The following PTPRD variants were observed in gnomAD, a reference collection of about 807,000 sequenced individuals.
The protein encoded by PTPRD is receptor-type tyrosine-protein phosphatase delta.
A neutral mutation model predicts 214.5 loss-of-function variants in PTPRD; 34 were observed. That is an observed-to-expected ratio of 0.16 (90% CI 0.12 to 0.21). PTPRD has a LOEUF of 0.21. Ranked by LOEUF, PTPRD falls within the 10% of genes least tolerant of loss-of-function variation. PTPRD has a pLI of 1.00. For synonymous variants in PTPRD, 1,128 were observed against 845.7 expected (o/e 1.33, Z -5.79); for missense variants, 2,545 against 2,398.7 (o/e 1.06, Z -1.27).
intron 11 of PTPRD, among the ~76,000 whole-genome samples, chr9:8,901,808 A>G (rs2098671068): frequency 6.6e-6 from 1 of 152,164 alleles, no homozygotes; most frequent in African/African-American, 2.4e-5. Flanking sequence ...TGACTTTATA[A>G]TTTCCTTTTG....
At chr9:9,008,729 A>G (rs1264313759) in intron 11 of PTPRD, among the ~76,000 whole-genome samples, 1 of 152,154 alleles carries the variant, frequency 6.6e-6, no homozygotes, top group Admixed American at 6.6e-5. Context: ...ATTTGCAAAG[A>G]TTTTTAATTC....
chr9:10,394,070 A>T (rs1194386804), intron 2 of PTPRD, among the ~76,000 whole-genome samples: 2 of 145,212 alleles, frequency 1.4e-5, no homozygotes, highest in Non-Finnish European at 3.0e-5. Flanking sequence ...ATATATATAT[A>T]TATATAGAGA....
rs77553155 is a variant in PTPRD, at chr9:9,401,821, T to A, written c.-236-4339A>T. Among the ~76,000 whole-genome samples the A allele has an allele frequency of 5.9e-3, 894 of 152,106 alleles. 7 individuals are homozygous for A. Among genetic ancestry groups the A allele is most frequent in the African/African-American group, 0.02 (814 of 41,522 alleles). On this transcript the variant is annotated intron_variant, in intron 8 of 45. Coordinates refer to ENST00000381196, the MANE Select transcript of PTPRD (RefSeq NM_002839.4). ...AGTTCTCACGAGATCTGGTAGTTTA[T>A]TAAGGGATTTTTCCCTCTTGGCTCG...
intron 9 of PTPRD, among the ~76,000 whole-genome samples, chr9:9,360,812 T>C (rs538139329): frequency 6.6e-6 from 1 of 151,198 alleles, no homozygotes; most frequent in Admixed American, 6.6e-5. Flanking sequence ...TTTCCAAGTG[T>C]ATTATGTGAG....
intron 3 of PTPRD, among the ~76,000 whole-genome samples, chr9:10,210,203 A>G (rs1249840390): frequency 6.6e-6 from 1 of 152,202 alleles, no homozygotes; most frequent in Non-Finnish European, 1.5e-5. Context: ...TGTGCAACTT[A>G]CATTATTGAG....
At chr9:8,998,659 T>G (rs551494212) in intron 11 of PTPRD, among the ~76,000 whole-genome samples, 1 of 152,198 alleles carries the variant, frequency 6.6e-6, no homozygotes, top group South Asian at 2.1e-4. Flanking sequence ...TTAAGTCTTA[T>G]TATTTAATAA....
chr9:9,322,600 A>G (rs1303726143), intron 9 of PTPRD, among the ~76,000 whole-genome samples: 1 of 152,174 alleles, frequency 6.6e-6, no homozygotes, highest in African/African-American at 2.4e-5. Flanking sequence ...TAGGAGTAAC[A>G]TATGCATGTC....
chr9:10,151,256 C>CTTTTT (rs71321228), intron 3 of PTPRD, among the ~76,000 whole-genome samples: 3 of 12,376 alleles, frequency 2.4e-4, no homozygotes, highest in African/African-American at 3.2e-4. Flanking sequence ...TTTTTGTTAA[C>CTTTTT]TTTTTTTTTT....
At chr9:9,697,919 C>A (rs2097412642) in intron 7 of PTPRD, among the ~76,000 whole-genome samples, 1 of 152,108 alleles carries the variant, frequency 6.6e-6, no homozygotes, top group Admixed American at 6.6e-5. Context: ...TCTACTTGAT[C>A]CATTCTGCTA....
intron 9 of PTPRD, among the ~76,000 whole-genome samples, chr9:9,238,273 A>T (rs2099968285): frequency 6.6e-6 from 1 of 152,052 alleles, no homozygotes; most frequent in South Asian, 2.1e-4. Flanking sequence ...CTTTGAGGAT[A>T]CCAAGGGTTA....
At chr9:9,805,145 C>T (rs1308065848) in intron 5 of PTPRD, among the ~76,000 whole-genome samples, 1 of 152,090 alleles carries the variant, frequency 6.6e-6, no homozygotes, top group African/African-American at 2.4e-5. Context: ...TGGGGCCAGG[C>T]TTACCCAAAT....
chr9:9,046,120 T>C (rs187656524), intron 10 of PTPRD, among the ~76,000 whole-genome samples: 2 of 152,334 alleles, frequency 1.3e-5, no homozygotes, highest in African/African-American at 4.8e-5. Context: ...ATTATCTATA[T>C]CTTTCAGCTT....
chr9:10,401,268 T>C (rs544871942), intron 2 of PTPRD, among the ~76,000 whole-genome samples: 11 of 151,706 alleles, frequency 7.3e-5, no homozygotes, highest in African/African-American at 2.7e-4. Flanking sequence ...GTAGCATCGC[T>C]GGAAATAATA....
intron 9 of PTPRD, among the ~76,000 whole-genome samples, chr9:9,243,616 A>G (rs2099971506): frequency 1.3e-5 from 2 of 152,162 alleles, no homozygotes. Flanking sequence ...CTCTCAATAA[A>G]CTAGGTATTG....
intron 31 of PTPRD, among the ~76,000 whole-genome samples, chr9:8,466,184 G>C (rs566287641): frequency 4.6e-5 from 7 of 152,014 alleles, no homozygotes; most frequent in African/African-American, 1.7e-4. Context: ...AGCAGAAGCA[G>C]AATCCAATAA....
At chr9:10,426,964 A>C (rs1282147997) in intron 2 of PTPRD, among the ~76,000 whole-genome samples, 1 of 152,072 alleles carries the variant, frequency 6.6e-6, no homozygotes, top group Non-Finnish European at 1.5e-5. Flanking sequence ...AAAGAGGCCC[A>C]ATGTATCAAT....
intron 5 of PTPRD, among the ~76,000 whole-genome samples, chr9:9,854,792 C>T (rs1317231460): frequency 6.6e-6 from 1 of 152,044 alleles, no homozygotes; most frequent in Non-Finnish European, 1.5e-5. Flanking sequence ...TGACCTTTTG[C>T]TAATTTTGAC....
intron 9 of PTPRD, among the ~76,000 whole-genome samples, chr9:9,305,906 T>C (rs538614165): frequency 9.2e-5 from 14 of 152,106 alleles, no homozygotes; most frequent in Non-Finnish European, 1.8e-4. Flanking sequence ...AGCTCTTTCA[T>C]AGGGAACACA....
At chr9:9,279,110 T>C (rs978128974) in intron 9 of PTPRD, among the ~76,000 whole-genome samples, 3 of 151,064 alleles carry the variant, frequency 2.0e-5, no homozygotes. Flanking sequence ...TCTGTCCATA[T>C]TTTTGTGCCA....
Sources: gnomAD v4.1 joint callset for allele counts (sites outside exome capture counted in the v4.1 genomes callset) on GRCh38, gnomAD v4.1.1 for gene constraint, MANE v1.5 for transcripts, NCBI Gene and HGNC (gene_info 2026-07-23, HGNC 2026-07-21) for gene names.